The following ATE1 variants were observed in gnomAD, a reference collection of about 807,000 sequenced individuals.
ATE1 encodes arginyl-tRNA--protein transferase 1.
A neutral mutation model predicts 70.5 loss-of-function variants in ATE1; 36 were observed. The observed-to-expected ratio is 0.51, with a 90% CI of 0.39 to 0.67. ATE1 has a LOEUF of 0.67. Among genes scored for constraint, ATE1 ranks in the 30% least tolerant of loss-of-function variants. The pLI is 0.00. For synonymous variants in ATE1, 232 were observed against 219.3 expected, an observed-to-expected ratio of 1.06 and a Z score of -0.51; for missense variants, 593 against 629.5, an observed-to-expected ratio of 0.94 and a Z score of 0.62.
chr10:121,922,197 A>C, intron 3 of ATE1, 152 bp downstream of exon 3: 1 of 599,846 alleles, frequency 1.7e-6, no homozygotes. Context: ...ATACAGCATC[A>C]GTATGAAGAA....
intron 10 of ATE1, among the ~76,000 whole-genome samples, chr10:121,808,357 T>C (rs1211040005): frequency 6.6e-6 from 1 of 152,114 alleles, no homozygotes; most frequent in Admixed American, 6.5e-5. Context: ...AAGCAGTCCA[T>C]GAAGTAGACA....
chr10:121,916,838 CAA>C (rs113526423), intron 3 of ATE1, among the ~76,000 whole-genome samples: 2 of 134,720 alleles, frequency 1.5e-5, no homozygotes. Context: ...CCGTCTCAAA[CAA>C]AAAAAAAAAA....
At chr10:121,903,026 T>C (rs553661858) in intron 5 of ATE1, among the ~76,000 whole-genome samples, 14 of 141,328 alleles carry the variant, frequency 9.9e-5, no homozygotes, top group Non-Finnish European at 1.4e-4. Flanking sequence ...CCACCGTGCC[T>C]GGCTAATTTT....
At chr10:121,832,302 CT>C (rs1389064900) in intron 10 of ATE1, among the ~76,000 whole-genome samples, 1 of 152,100 alleles carries the variant, frequency 6.6e-6, no homozygotes, top group Admixed American at 6.5e-5. Context: ...CTCAAAGAGA[CT>C]TTTTTTGTCC....
chr10:121,774,290 C>T (rs1945644627), intron 11 of ATE1, among the ~76,000 whole-genome samples: 2 of 152,092 alleles, frequency 1.3e-5, no homozygotes, highest in South Asian at 4.1e-4. Context: ...ATTTGGTAAG[C>T]GAGTTGAAAT....
chr10:121,889,220 A>C (rs1388834708), intron 7 of ATE1, among the ~76,000 whole-genome samples: 2 of 152,180 alleles, frequency 1.3e-5, no homozygotes, highest in African/African-American at 4.8e-5. Flanking sequence ...TTTTCTGTAT[A>C]TACGTTATAC....
chr10:121,810,248 T>C (rs927599043), intron 10 of ATE1, among the ~76,000 whole-genome samples: 1 of 152,184 alleles, frequency 6.6e-6, no homozygotes, highest in Non-Finnish European at 1.5e-5. Flanking sequence ...CCTTTCGGGG[T>C]AACTGCTAAA....
chr10:121,748,521 C>T (rs1944455399), intron 11 of ATE1, among the ~76,000 whole-genome samples: 1 of 152,102 alleles, frequency 6.6e-6, no homozygotes, highest in Non-Finnish European at 1.5e-5. Context: ...CACTGAATTC[C>T]AAATTGGCTT....
chr10:121,843,030 CCTGT>C (rs1948688494), intron 8 of ATE1, among the ~76,000 whole-genome samples: 1 of 152,024 alleles, frequency 6.6e-6, no homozygotes, highest in Non-Finnish European at 1.5e-5. Context: ...GGAGGAAAAG[CCTGT>C]CTTTCTTTAT....
intron 7 of ATE1, among the ~76,000 whole-genome samples, chr10:121,894,045 G>A (rs1950676193): frequency 6.6e-6 from 1 of 151,356 alleles, no homozygotes; most frequent in Admixed American, 6.6e-5. Flanking sequence ...GCTGAGGCAG[G>A]AGAATCACTT....
chr10:121,850,303 AGGG>A (rs1949005610), intron 8 of ATE1, among the ~76,000 whole-genome samples: 2 of 152,240 alleles, frequency 1.3e-5, no homozygotes, highest in South Asian at 4.1e-4. Flanking sequence ...AGCCCACTGG[AGGG>A]GTATCCTCCA....
chr10:121,924,369 C>T, intron 1 of ATE1, 40 bp from the exon 2 acceptor site: 1 of 1,574,010 alleles, frequency 6.4e-7, no homozygotes, highest in Non-Finnish European at 8.7e-7. Context: ...GCAGGGTAAC[C>T]TTTTTTCTTT....
In ATE1 at chr10:121,826,454, C is replaced by T. The variant is rs576349897; in HGVS notation, c.1257+10264G>A. On this transcript the variant is annotated intron_variant, in intron 10 of 11. Coordinates refer to ENST00000224652, the MANE Select transcript of ATE1 (RefSeq NM_001001976.3). ...CCAAGTAGCTGGAACTAGAGGCATG[C>T]GTCACCACATCCACTAAACGTTTTT... 3.9e-5 allele frequency among the ~76,000 whole-genome samples: 6 copies of T among 152,228 alleles called. No individual in the cohort carries two copies. The East Asian group carries it at 9.7e-4, about 25-fold the overall frequency.
intron 8 of ATE1, among the ~76,000 whole-genome samples, chr10:121,849,211 CAA>C (rs35330521): frequency 1.9e-3 from 264 of 140,648 alleles, no homozygotes; most frequent in Non-Finnish European, 1.8e-3. Context: ...AACTCCATCT[CAA>C]AAAAAAAAAA....
At chr10:121,878,230 G>A (rs1363439542) in intron 7 of ATE1, among the ~76,000 whole-genome samples, 5 of 152,182 alleles carry the variant, frequency 3.3e-5, no homozygotes, top group Non-Finnish European at 5.9e-5. Context: ...GAAGGGCCAC[G>A]AGGGAGCCTT....
chr10:121,743,916 CTTTTTTTTTTT>C (rs35850942), intron 11 of ATE1, 58 bp from the exon 12 acceptor site: 42 of 870,824 alleles, frequency 4.8e-5, no homozygotes, highest in South Asian at 1.2e-4. Flanking sequence ...TTTTTGTTTC[CTTTTTTTTTTT>C]TTTTTTTTTT....
chr10:121,755,958 A>T (rs544236572), intron 11 of ATE1, among the ~76,000 whole-genome samples: 4 of 152,220 alleles, frequency 2.6e-5, no homozygotes, highest in Non-Finnish European at 4.4e-5. Context: ...GTCCCCCAAC[A>T]TCTCAACTCA....
intron 7 of ATE1, among the ~76,000 whole-genome samples, chr10:121,870,548 T>C (rs1378165486): frequency 6.6e-6 from 1 of 152,162 alleles, no homozygotes. Context: ...AGCTCCACAA[T>C]TTGGCATCTC....
intron 11 of ATE1, among the ~76,000 whole-genome samples, chr10:121,789,278 C>A (rs1946334627): frequency 6.7e-6 from 1 of 148,866 alleles, no homozygotes; most frequent in African/African-American, 2.5e-5. Flanking sequence ...ATCCAGGAAG[C>A]CTAACTCCAG....
Sources: gnomAD v4.1 joint callset for allele counts (sites outside exome capture counted in the v4.1 genomes callset) on GRCh38, gnomAD v4.1.1 for gene constraint, MANE v1.5 for transcripts, NCBI Gene and HGNC (gene_info 2026-07-23, HGNC 2026-07-21) for gene names.